The following NEGR1 variants were observed in gnomAD, a reference collection of about 807,000 sequenced individuals.
NEGR1 encodes IgLON family member 4.
In NEGR1, 10 loss-of-function variants were observed where a neutral mutation model predicts 40.9. The observed-to-expected ratio is 0.24, with a 90% confidence interval of 0.15 to 0.42. NEGR1 has a LOEUF of 0.42. Among genes scored for constraint, NEGR1 ranks in the 10% least tolerant of loss-of-function variants. The probability of loss-of-function intolerance (pLI) is 1.00; values close to 1 mark genes in which losing one functional copy is unlikely to be tolerated. For missense variants in NEGR1, 352 were observed against 438.9 expected, an observed-to-expected ratio of 0.80 and a Z score of 1.77; for synonymous variants, 185 against 166.8, an observed-to-expected ratio of 1.11 and a Z score of -0.84.
rs375704516 is a variant in NEGR1 at position 71,894,637 on chromosome 1, A to G, written c.409+40442T>C. 2.0e-5 allele frequency among the ~76,000 whole-genome samples: 3 copies of G among 152,250 alleles called. 1 individual carries two copies. The highest frequency in any genetic ancestry group is 4.1e-4 in the South Asian group (2 of 4,834). Reference sequence around the variant, plus strand: ...GGCTACCAATTACCAAAGTTAGCTAACTTATCAAATACAGGTTTAACTTGC... The same window carrying G: ...GGCTACCAATTACCAAAGTTAGCTAGCTTATCAAATACAGGTTTAACTTGC... On this transcript the variant is annotated intron_variant, in intron 2 of 6. Transcript: ENST00000357731.
chr1:72,280,964 A>G (rs1487816936), intron 1 of NEGR1, among the ~76,000 whole-genome samples: 3 of 152,172 alleles, frequency 2.0e-5, no homozygotes, highest in East Asian at 1.9e-4. Flanking sequence ...GTGATGGGAA[A>G]GAAATGAAGG....
chr1:72,108,076 T>C (rs771429642), intron 1 of NEGR1, among the ~76,000 whole-genome samples: 1 of 151,570 alleles, frequency 6.6e-6, no homozygotes, highest in Non-Finnish European at 1.5e-5. Context: ...TATGTGAAAT[T>C]TGCAGCTGAG....
chr1:71,951,987 G>A (rs1646075026), intron 1 of NEGR1, among the ~76,000 whole-genome samples: 1 of 151,816 alleles, frequency 6.6e-6, no homozygotes, highest in African/African-American at 2.4e-5. Flanking sequence ...TCTGTGCTCT[G>A]ACTTCCCCAA....
intron 2 of NEGR1, among the ~76,000 whole-genome samples, chr1:71,928,331 T>C (rs1645811904): frequency 1.4e-5 from 2 of 138,426 alleles, no homozygotes; most frequent in Non-Finnish European, 3.1e-5. Flanking sequence ...TACGTATATA[T>C]GTATATATAC....
intron 1 of NEGR1, among the ~76,000 whole-genome samples, chr1:72,226,328 C>T (rs537861604): frequency 8.6e-5 from 13 of 151,998 alleles, no homozygotes; most frequent in African/African-American, 2.9e-4. Context: ...AGTGTGAGAT[C>T]AATTAGAAAT....
chr1:71,847,455 T>C (rs1387243994), intron 2 of NEGR1, among the ~76,000 whole-genome samples: 1 of 152,218 alleles, frequency 6.6e-6, no homozygotes, highest in African/African-American at 2.4e-5. Flanking sequence ...TGTCCCATTT[T>C]GGTAGTTCTC....
intron 1 of NEGR1, among the ~76,000 whole-genome samples, chr1:71,942,463 A>ATATATATATATATCTATATATC (rs973130274): frequency 5.0e-4 from 4 of 8,052 alleles, no homozygotes; most frequent in African/African-American, 1.4e-3. Context: ...ATCTATATAT[A>ATATATATATATATCTATATATC]TATATATATA....
rs536731529 is a variant in NEGR1, at chr1:72,150,422, T to A, written c.176+131897A>T. On this transcript the variant is annotated intron_variant, in intron 1 of 6. Coordinates refer to ENST00000357731, the MANE Select transcript of NEGR1 (RefSeq NM_173808.3). Reference sequence around the variant, plus strand: ...TTCTACAATAAGTAAATACAACCATTGAAAAAATAAACTGAAATGAATTTG... The same window carrying A: ...TTCTACAATAAGTAAATACAACCATAGAAAAAATAAACTGAAATGAATTTG... 2.0e-5 allele frequency among the ~76,000 whole-genome samples: 3 copies of A among 152,214 alleles called. No individual in the cohort carries two copies. The East Asian group carries it at 5.8e-4, about 29-fold the overall frequency.
At chr1:72,140,221 G>C (rs1650618768) in intron 1 of NEGR1, among the ~76,000 whole-genome samples, 1 of 74,674 alleles carries the variant, frequency 1.3e-5, no homozygotes, top group South Asian at 8.0e-4. Flanking sequence ...TAAGATAACT[G>C]TTTTTGTTGT....
intron 1 of NEGR1, among the ~76,000 whole-genome samples, chr1:72,250,971 C>T (rs1655067979): frequency 1.3e-5 from 2 of 152,198 alleles, no homozygotes; most frequent in Admixed American, 1.3e-4. Flanking sequence ...CATAACTCTC[C>T]AGATAAACTG....
intron 1 of NEGR1, among the ~76,000 whole-genome samples, chr1:72,152,982 G>A (rs974210379): frequency 4.6e-5 from 7 of 151,842 alleles, no homozygotes; most frequent in African/African-American, 1.7e-4. Context: ...AGATTACTGA[G>A]AGAAAGGGAG....
chr1:71,611,224 T>A, intron 4 of NEGR1, 78 bp from the exon 5 acceptor site: 1 of 1,347,642 alleles, frequency 7.4e-7, no homozygotes, highest in South Asian at 1.2e-5. Flanking sequence ...CACATATATT[T>A]TTATTCCTTC....
intron 1 of NEGR1, among the ~76,000 whole-genome samples, chr1:72,177,671 T>C (rs1652225280): frequency 6.6e-6 from 1 of 152,014 alleles, no homozygotes; most frequent in South Asian, 2.1e-4. Context: ...ACCATTTAAA[T>C]GTAATTGTAG....
chr1:71,828,406 G>A (rs999865043), intron 2 of NEGR1, among the ~76,000 whole-genome samples: 1 of 151,922 alleles, frequency 6.6e-6, no homozygotes, highest in African/African-American at 2.4e-5. Flanking sequence ...AGAGAAAATA[G>A]CACATGTATT....
At chr1:72,043,918 C>A (rs867564191) in intron 1 of NEGR1, among the ~76,000 whole-genome samples, 6 of 151,470 alleles carry the variant, frequency 4.0e-5, no homozygotes, top group South Asian at 2.1e-4. Context: ...AAAAACATGT[C>A]AGAATAAATG....
chr1:71,439,002 CTG>C (rs1363398081), intron 6 of NEGR1, among the ~76,000 whole-genome samples: 11 of 152,174 alleles, frequency 7.2e-5, no homozygotes, highest in African/African-American at 2.7e-4. Flanking sequence ...CAGTAAATAA[CTG>C]TTCACTATTC....
chr1:71,622,468 A>T (rs1650639854), intron 4 of NEGR1, among the ~76,000 whole-genome samples: 1 of 151,980 alleles, frequency 6.6e-6, no homozygotes, highest in African/African-American at 2.4e-5. Context: ...ATTTTTAGTG[A>T]ATCTTCAAAA....
chr1:71,573,929 A>C (rs893806218), intron 6 of NEGR1, among the ~76,000 whole-genome samples: 7 of 152,126 alleles, frequency 4.6e-5, no homozygotes, highest in Non-Finnish European at 1.0e-4. Flanking sequence ...TTATCTCTAT[A>C]TATCTGCAGA....
At chr1:72,157,613 C>T (rs1246618873) in intron 1 of NEGR1, among the ~76,000 whole-genome samples, 2 of 152,078 alleles carry the variant, frequency 1.3e-5, no homozygotes, top group Non-Finnish European at 1.5e-5. Flanking sequence ...AAGAGGTTAT[C>T]TCTTAAATCT....
Sources: gnomAD v4.1 joint callset for allele counts (sites outside exome capture counted in the v4.1 genomes callset) on GRCh38, gnomAD v4.1.1 for gene constraint, MANE v1.5 for transcripts, NCBI Gene and HGNC (gene_info 2026-07-23, HGNC 2026-07-21) for gene names.